The following PTPRD variants were observed in gnomAD, a reference collection of about 807,000 sequenced individuals.
PTPRD encodes the protein receptor-type tyrosine-protein phosphatase delta.
Under a neutral mutation model 214.5 loss-of-function variants are expected in PTPRD, and 34 were observed. The ratio of observed to expected loss-of-function variants is 0.16; its 90% CI spans 0.12 to 0.21. PTPRD has a LOEUF of 0.21. Ranked by LOEUF, PTPRD falls within the 10% of genes least tolerant of loss-of-function variation. The probability of loss-of-function intolerance (pLI) is 1.00; values close to 1 mark genes in which losing one functional copy is unlikely to be tolerated. For missense variants in PTPRD, 2,545 were observed against 2,398.7 expected (o/e 1.06, Z -1.27); for synonymous variants, 1,128 against 845.7 (o/e 1.33, Z -5.79).
intron 7 of PTPRD, among the ~76,000 whole-genome samples, chr9:9,617,531 T>G (rs892708335): frequency 6.6e-6 from 1 of 152,188 alleles, no homozygotes; most frequent in Non-Finnish European, 1.5e-5. Flanking sequence ...GTGTGAGTCC[T>G]GATGGCTGAG....
intron 3 of PTPRD, among the ~76,000 whole-genome samples, chr9:10,155,142 T>C (rs1309923076): frequency 6.6e-6 from 1 of 152,146 alleles, no homozygotes; most frequent in Non-Finnish European, 1.5e-5. Context: ...TTTATTGTTC[T>C]CATTCTAGAG....
intron 7 of PTPRD, among the ~76,000 whole-genome samples, chr9:9,631,199 A>G (rs559433951): frequency 2.2e-5 from 2 of 89,880 alleles, no homozygotes; most frequent in East Asian, 5.1e-4. Context: ...ATTCATAAAT[A>G]AATAAATAAA....
intron 43 of PTPRD, among the ~76,000 whole-genome samples, chr9:8,333,166 C>A (rs1843162305): frequency 6.6e-6 from 1 of 152,108 alleles, no homozygotes; most frequent in Admixed American, 6.6e-5. Context: ...TATTTGGCCC[C>A]ATAAGTACTT....
intron 2 of PTPRD, among the ~76,000 whole-genome samples, chr9:10,555,311 C>A (rs566313763): frequency 1.1e-3 from 171 of 152,278 alleles, no homozygotes; most frequent in Non-Finnish European, 2.0e-3. Context: ...TCATTAGTTA[C>A]AGGTACAACA....
chr9:10,098,691 AG>A, intron 3 of PTPRD, among the ~76,000 whole-genome samples: 1 of 149,220 alleles, frequency 6.7e-6, no homozygotes, highest in African/African-American at 2.6e-5. Flanking sequence ...TTCCTACTTC[AG>A]TCAGTTTTTA....
chr9:8,402,269 C>T (rs756531685), intron 36 of PTPRD, among the ~76,000 whole-genome samples: 15 of 152,248 alleles, frequency 9.9e-5, no homozygotes, highest in African/African-American at 2.9e-4. Context: ...GACAGGTTTT[C>T]GTGTGATTCA....
intron 4 of PTPRD, among the ~76,000 whole-genome samples, chr9:10,029,390 A>C (rs2154129380): frequency 6.6e-6 from 1 of 152,298 alleles, no homozygotes; most frequent in African/African-American, 2.4e-5. Flanking sequence ...TATACTGTGC[A>C]CTTGGAAAAG....
intron 5 of PTPRD, among the ~76,000 whole-genome samples, chr9:9,930,251 T>C (rs1165932413): frequency 1.3e-5 from 2 of 152,108 alleles, no homozygotes; most frequent in Non-Finnish European, 2.9e-5. Context: ...AGTGTGCCTT[T>C]GGTTAGAGTC....
At chr9:10,098,504 T>TA (rs1389478295) in intron 3 of PTPRD, among the ~76,000 whole-genome samples, 1 of 151,418 alleles carries the variant, frequency 6.6e-6, no homozygotes, top group Non-Finnish European at 1.5e-5. Flanking sequence ...AATAATAAAA[T>TA]AAAATAAAAA....
At chr9:9,882,668 G>A (rs114354298) in intron 5 of PTPRD, among the ~76,000 whole-genome samples, 3,534 of 152,228 alleles carry the variant, frequency 0.023, 109 homozygotes, top group African/African-American at 0.075. Context: ...TTTAGGTTGT[G>A]CATTAAATGT....
chr9:9,989,044 A>AAAAAAC, intron 4 of PTPRD, among the ~76,000 whole-genome samples: 1 of 149,944 alleles, frequency 6.7e-6, no homozygotes. Flanking sequence ...AAAAAAAAAA[A>AAAAAAC]ACCACAGACT....
At chr9:10,063,418 T>A (rs532608388) in intron 3 of PTPRD, among the ~76,000 whole-genome samples, 23 of 152,154 alleles carry the variant, frequency 1.5e-4, no homozygotes, top group African/African-American at 5.1e-4. Flanking sequence ...AGTAATAACA[T>A]ATAGTATAGT....
At chr9:9,289,502 C>A (rs1456588425) in intron 9 of PTPRD, among the ~76,000 whole-genome samples, 3 of 151,726 alleles carry the variant, frequency 2.0e-5, no homozygotes. Context: ...TGTGTCTGCT[C>A]TCTTCAAATT....
chr9:8,584,441 G>A (rs2093466077), intron 14 of PTPRD, among the ~76,000 whole-genome samples: 1 of 146,222 alleles, frequency 6.8e-6, no homozygotes. Context: ...GGTACTAACT[G>A]ATTAGTTACT....
chr9:9,402,182 A>C (rs1319522248), intron 8 of PTPRD, among the ~76,000 whole-genome samples: 2 of 152,132 alleles, frequency 1.3e-5, no homozygotes, highest in Non-Finnish European at 2.9e-5. Flanking sequence ...AAATATGACA[A>C]ATGCTGTAAT....
intron 7 of PTPRD, among the ~76,000 whole-genome samples, chr9:9,612,658 A>C (rs76122375): frequency 0.086 from 13,050 of 152,080 alleles, 610 homozygotes; most frequent in Middle Eastern, 0.18. Flanking sequence ...TAATTATTGT[A>C]ATTTTTCACT....
chr9:9,520,825 G>A (rs1278423751), intron 8 of PTPRD, among the ~76,000 whole-genome samples: 1 of 152,054 alleles, frequency 6.6e-6, no homozygotes, highest in African/African-American at 2.4e-5. Flanking sequence ...TAGAATCAAG[G>A]GTTTAGCACT....
intron 7 of PTPRD, among the ~76,000 whole-genome samples, chr9:9,649,535 T>C (rs934159231): frequency 6.6e-6 from 1 of 152,186 alleles, no homozygotes; most frequent in Non-Finnish European, 1.5e-5. Context: ...GATTAGTCTA[T>C]ATTATAAAAA....
intron 4 of PTPRD, among the ~76,000 whole-genome samples, chr9:10,008,309 C>A (rs1159940301): frequency 6.6e-6 from 1 of 151,808 alleles, no homozygotes; most frequent in Non-Finnish European, 1.5e-5. Flanking sequence ...TGCTGAATTC[C>A]CCTCCCTTTT....
Sources: allele counts gnomAD v4.1 joint callset (sites outside exome capture counted in the v4.1 genomes callset), GRCh38; gene constraint gnomAD v4.1.1; transcripts MANE v1.5; gene names NCBI Gene and HGNC (gene_info 2026-07-23, HGNC 2026-07-21).